The following SLC22A16 variants were observed in gnomAD, a reference collection of about 807,000 sequenced individuals.
SLC22A16 encodes the protein WUGSC:RG331P03.1.
A neutral mutation model predicts 52.9 loss-of-function variants in SLC22A16; 53 were observed. That is an observed-to-expected ratio of 1.00 (90% CI 0.80 to 1.26). SLC22A16 has a LOEUF of 1.26. SLC22A16 is among the 50% of genes most tolerant of loss of function. The pLI is 0.00. For missense variants in SLC22A16, 726 were observed against 704.0 expected (o/e 1.03, Z -0.35); for synonymous variants, 291 against 268.8 (o/e 1.08, Z -0.81).
intron 2 of SLC22A16, 80 bp downstream of exon 2, chr6:110,456,458 A>G: frequency 1.3e-6 from 2 of 1,514,112 alleles, no homozygotes; most frequent in Non-Finnish European, 8.9e-7. Context: ...AGTTTTAAAC[A>G]TAATTCCTTG....
intron 2 of SLC22A16, among the ~76,000 whole-genome samples, chr6:110,452,641 C>T (rs1200342803): frequency 6.6e-6 from 1 of 151,950 alleles, no homozygotes; most frequent in East Asian, 1.9e-4. Context: ...TTGAGAACAG[C>T]CTGGGCAACA....
chr6:110,428,419 T>G (rs1377489059), intron 7 of SLC22A16, among the ~76,000 whole-genome samples: 8 of 152,206 alleles, frequency 5.3e-5, no homozygotes, highest in Non-Finnish European at 1.0e-4. Flanking sequence ...CTGTGCTCAC[T>G]TTTGTATAGA....
chr6:110,443,608 C>G (rs1056628740), intron 3 of SLC22A16, among the ~76,000 whole-genome samples: 7 of 152,010 alleles, frequency 4.6e-5, no homozygotes, highest in African/African-American at 1.5e-4. Flanking sequence ...AATGGCACAG[C>G]CTCTAGGAAA....
chr6:110,464,673 C>T (rs571496098), intron 1 of SLC22A16, among the ~76,000 whole-genome samples: 1 of 151,754 alleles, frequency 6.6e-6, no homozygotes, highest in African/African-American at 2.4e-5. Flanking sequence ...AAAAAAAGAA[C>T]CCAGGACCAG....
chr6:110,439,389 T>C lies in SLC22A16; in HGVS notation c.1184-542A>G, dbSNP rs541088504. On this transcript the variant is annotated intron_variant, in intron 4 of 7. Transcript: ENST00000368919. Reference sequence around the variant, plus strand: ...TTCTGCATCCACACTCCACCCCACCTACCATTGGCCACTCTGTTCTAGGGA... The same window carrying C: ...TTCTGCATCCACACTCCACCCCACCCACCATTGGCCACTCTGTTCTAGGGA... Among the ~76,000 whole-genome samples the C allele has an allele frequency of 5.3e-5, 8 of 152,298 alleles. No individual in the cohort carries two copies. The East Asian group carries it at 1.5e-3, about 29-fold the overall frequency.
intron 4 of SLC22A16, 26 bp from the exon 5 acceptor site, chr6:110,438,873 T>C: frequency 6.2e-7 from 1 of 1,612,214 alleles, no homozygotes; most frequent in Non-Finnish European, 8.5e-7. Context: ...CAGCCCTCTA[T>C]AAGTCTAGGT....
Position 110,454,569 on chromosome 6 carries a change from ATATAATAT to A in SLC22A16, c.533+1961_533+1968del, listed in dbSNP as rs1562292172. ...TTGCTTTCACTAATATATATATTAT[ATATAATAT>A]TTATATATAATATATATTTATATAT... On this transcript the variant is annotated intron_variant, in intron 2 of 7. Coordinates refer to ENST00000368919, the MANE Select transcript of SLC22A16 (RefSeq NM_033125.4). Among the ~76,000 whole-genome samples, 515 of 109,944 alleles carry A rather than the reference ATATAATAT, an allele frequency of 4.7e-3. 6 individuals are homozygous for A. Among genetic ancestry groups the A allele is most frequent in the African/African-American group, 0.017 (485 of 27,948 alleles). 72.1% of individuals were successfully genotyped at this position (109,944 alleles called of 152,430 possible). A position where few individuals can be genotyped will look rare whatever the true frequency, so the allele number is the denominator to read the frequency against.
Position 110,424,907 on chromosome 6 carries a change from G to C in SLC22A16, c.1700C>G (p.Ala567Gly), listed in dbSNP as rs770486939. The change falls in exon 8 of 8, where the codon GCG (alanine) becomes GGG (glycine). Residue 567 changes from alanine (A) to glycine (G), a missense_variant. By Grantham distance (60) the Ala-to-Gly change is moderately conservative. Transcript: ENST00000368919. ...AAGACCAGAATCCCTGGGGGTAATC[G>C]CTTCCGTTTTTTCCAGCCCACTATT... ...TNNSGLEKTEAITPRDSGLGE is the reference protein window; with the variant it reads ...TNNSGLEKTEGITPRDSGLGE 3 of 1,613,948 alleles carry C rather than the reference G, an allele frequency of 1.9e-6. No individual in the cohort carries two copies. The highest frequency in any genetic ancestry group is 2.2e-5 in the South Asian group (2 of 91,078).
Position 110,436,251 on chromosome 6 carries a change from G to A in SLC22A16, c.1312-290C>T, listed in dbSNP as rs76454578. ...GGAAGACTGTTTTGGAAGGAGACACGCCCTGATAGTGCTGGTGGCACCAAG... is the reference window on the plus strand; with the variant it reads ...GGAAGACTGTTTTGGAAGGAGACACACCCTGATAGTGCTGGTGGCACCAAG... On this transcript the variant is annotated intron_variant, in intron 5 of 7. Transcript: ENST00000368919. Among the ~76,000 whole-genome samples, 868 of 152,258 alleles carry A rather than the reference G, an allele frequency of 5.7e-3. 3 individuals carry two copies. The highest frequency in any genetic ancestry group is 0.02 in the Middle Eastern group (6 of 294).
At chr6:110,433,570 A>T (rs186927197) in intron 6 of SLC22A16, among the ~76,000 whole-genome samples, 3 of 152,312 alleles carry the variant, frequency 2.0e-5, no homozygotes, top group African/African-American at 7.2e-5. Flanking sequence ...TGCCTTTCAC[A>T]CTTGTAACAC....
At chr6:110,452,424 C>T (rs1368225985) in intron 2 of SLC22A16, among the ~76,000 whole-genome samples, 1 of 152,120 alleles carries the variant, frequency 6.6e-6, no homozygotes, top group African/African-American at 2.4e-5. Flanking sequence ...CCTTCTACCT[C>T]TTTCTCTCTC....
chr6:110,457,964 C>T (rs1313584272), intron 1 of SLC22A16, among the ~76,000 whole-genome samples: 2 of 152,108 alleles, frequency 1.3e-5, no homozygotes, highest in Admixed American at 1.3e-4. Flanking sequence ...ATCAGTCAGG[C>T]CTGCCTGCAG....
At chr6:110,431,143 T>TG in intron 7 of SLC22A16, 28 bp downstream of exon 7, 1 of 1,593,574 alleles carries the variant, frequency 6.3e-7, no homozygotes, top group Non-Finnish European at 8.6e-7. Context: ...CGTGCCCCCT[T>TG]GGGGAGGGTC....
intron 7 of SLC22A16, among the ~76,000 whole-genome samples, chr6:110,427,307 C>CAGA (rs1435333864): frequency 6.6e-6 from 1 of 151,616 alleles, no homozygotes; most frequent in Admixed American, 6.6e-5. Flanking sequence ...GTTCTTGACC[C>CAGA]TTTTATAATC....
intron 4 of SLC22A16, among the ~76,000 whole-genome samples, chr6:110,440,507 G>C (rs1467181009): frequency 6.6e-6 from 1 of 152,222 alleles, no homozygotes; most frequent in African/African-American, 2.4e-5. Context: ...GCGGGGTGCT[G>C]TGGCTCATGC....
chr6:110,442,213 T>G (rs1273323016), intron 4 of SLC22A16, 31 bp downstream of exon 4: 1 of 1,589,606 alleles, frequency 6.3e-7, no homozygotes, highest in Non-Finnish European at 8.6e-7. Context: ...CTCACTTCAC[T>G]GCCAAATTTA....
At chr6:110,474,940 G>A (rs765809547) in intron 1 of SLC22A16, 1 of 519,026 alleles carries the variant, frequency 1.9e-6, no homozygotes, top group Non-Finnish European at 3.8e-6. Flanking sequence ...ACCTCATTGA[G>A]TTACTGTAAG....
intron 2 of SLC22A16, among the ~76,000 whole-genome samples, chr6:110,453,244 A>G (rs2114974645): frequency 6.6e-6 from 1 of 152,240 alleles, no homozygotes; most frequent in Admixed American, 6.5e-5. Flanking sequence ...TGTGCCTGAT[A>G]ATTCTAGTAT....
At position 110,476,584 on chromosome 6, in the gene SLC22A16, G is replaced by C. The variant is rs1405801969; in HGVS notation, c.-10C>G. On this transcript the variant is annotated 5_prime_UTR_variant, in exon 1 of 8. Transcript: ENST00000368919. ...AGTGGCGGGACCCCATGGTGCGGCC[G>C]TGCACTGGGCGCCGAGTTAGCCGAG... is the stretch of plus-strand genomic sequence containing the variant. The C allele has an allele frequency of 1.3e-6, 2 of 1,525,064 alleles. No homozygotes were observed. Among genetic ancestry groups the C allele is most frequent in the Non-Finnish European group, 1.8e-6 (2 of 1,138,454 alleles). 94.5% of individuals were successfully genotyped at this position (1,525,064 alleles called of 1,614,324 possible). A position where few individuals can be genotyped will look rare whatever the true frequency, so the allele number is the denominator to read the frequency against.
Sources: allele counts gnomAD v4.1 joint callset (sites outside exome capture counted in the v4.1 genomes callset), GRCh38; gene constraint gnomAD v4.1.1; transcripts MANE v1.5; gene names NCBI Gene and HGNC (gene_info 2026-07-23, HGNC 2026-07-21).